The following VPS13B variants were observed in gnomAD, a reference collection of about 807,000 sequenced individuals.
VPS13B encodes vacuolar protein sorting 13 homolog B.
A neutral mutation model predicts 426.4 loss-of-function variants in VPS13B; 285 were observed. The observed-to-expected ratio is 0.67, with a 90% CI of 0.61 to 0.74. VPS13B has a LOEUF of 0.74. VPS13B is among the 30% of genes least tolerant of loss of function. The probability of loss-of-function intolerance (pLI) is 0.00; values close to 1 mark genes in which losing one functional copy is unlikely to be tolerated. For synonymous variants in VPS13B, 1,676 were observed against 1,676.4 expected, an observed-to-expected ratio of 1.00 and a Z score of 0.01; for missense variants, 4,537 against 4,782.6, an observed-to-expected ratio of 0.95 and a Z score of 1.51.
Position 99,776,852 on chromosome 8 carries a change from T to C in VPS13B, c.7325T>C (p.Val2442Ala). ...ACAGCCCTGGCTGCCTGTACCAGAG[T>C]TGACTCCTGCTTTACCCCATGGTTT... is the stretch of plus-strand genomic sequence containing the variant. ...TPTALAACTR[V>A]DSCFTPWFVP... is the part of the protein sequence containing the mutation. The change falls in exon 41 of 62, where the codon GTT (valine) becomes GCT (alanine). Residue 2442 changes from valine to alanine, a missense_variant. By Grantham distance (64) the Val-to-Ala change is moderately conservative. Transcript: ENST00000357162. 1 of 1,614,068 alleles carries C rather than the reference T, an allele frequency of 6.2e-7. No individual in the cohort carries two copies. The highest frequency in any genetic ancestry group is 8.5e-7 in the Non-Finnish European group (1 of 1,179,992).
chr8:99,149,623 G>GT (rs5893484), intron 14 of VPS13B, among the ~76,000 whole-genome samples: 1,691 of 140,806 alleles, frequency 0.012, 25 homozygotes, highest in African/African-American at 0.032. Context: ...TGGCCTATGT[G>GT]TTTTTTTTTT....
chr8:99,501,398 C>G (rs1342210605), intron 25 of VPS13B, among the ~76,000 whole-genome samples: 2 of 152,118 alleles, frequency 1.3e-5, no homozygotes, highest in African/African-American at 2.4e-5. Flanking sequence ...CTTGCAGACT[C>G]TACTCTATAG....
intron 17 of VPS13B, among the ~76,000 whole-genome samples, chr8:99,260,457 G>A (rs1817984545): frequency 6.6e-6 from 1 of 151,976 alleles, no homozygotes; most frequent in Non-Finnish European, 1.5e-5. Flanking sequence ...AGCAACCAGA[G>A]GGAAAATAAA....
chr8:99,823,209 C>G (rs1328842187), intron 50 of VPS13B, among the ~76,000 whole-genome samples: 2 of 152,170 alleles, frequency 1.3e-5, no homozygotes, highest in Non-Finnish European at 2.9e-5. Flanking sequence ...GGGGAAGTTA[C>G]TTCTTTGTGC....
At chr8:99,755,994 G>A (rs1810621914) in intron 39 of VPS13B, among the ~76,000 whole-genome samples, 1 of 151,858 alleles carries the variant, frequency 6.6e-6, no homozygotes, top group African/African-American at 2.4e-5. Flanking sequence ...GCGATCAATA[G>A]AAATTGTCCC....
intron 16 of VPS13B, among the ~76,000 whole-genome samples, chr8:99,173,092 G>A (rs1459823333): frequency 2.0e-5 from 3 of 152,126 alleles, no homozygotes; most frequent in African/African-American, 7.2e-5. Context: ...AAGGTTGAGG[G>A]ACTTCTAAGT....
intron 31 of VPS13B, among the ~76,000 whole-genome samples, chr8:99,557,209 G>T (rs1824631511): frequency 6.6e-6 from 1 of 151,844 alleles, no homozygotes; most frequent in Non-Finnish European, 1.5e-5. Flanking sequence ...TTATTTAGGG[G>T]TGATTTCTGG....
At chr8:99,846,116 A>G (rs1815969125) in intron 54 of VPS13B, among the ~76,000 whole-genome samples, 1 of 152,314 alleles carries the variant, frequency 6.6e-6, no homozygotes. Context: ...CATTGAGAAG[A>G]TGTATGTTCA....
chr8:99,444,138 G>T lies in VPS13B; in HGVS notation c.3445+1503G>T, dbSNP rs144553113. Among the ~76,000 whole-genome samples, 893 of 150,320 alleles carry T rather than the reference G, an allele frequency of 5.9e-3. 12 individuals carry two copies. Among genetic ancestry groups the T allele is most frequent in the African/African-American group, 0.021 (850 of 40,888 alleles). ...TTTTGAGATGGAGTCTTGCTCTGTCGCCTGGGCTGGAGTACAGTGGCACAA... is the reference window on the plus strand; with the variant it reads ...TTTTGAGATGGAGTCTTGCTCTGTCTCCTGGGCTGGAGTACAGTGGCACAA... On this transcript the variant is annotated intron_variant, in intron 23 of 61. Transcript: ENST00000357162.
At chr8:99,685,596 A>G (rs975546522) in intron 35 of VPS13B, among the ~76,000 whole-genome samples, 2 of 152,080 alleles carry the variant, frequency 1.3e-5, no homozygotes, top group African/African-American at 4.8e-5. Context: ...AAACTCACTA[A>G]TTCTTTCTTC....
intron 33 of VPS13B, among the ~76,000 whole-genome samples, chr8:99,624,903 C>T (rs527414243): frequency 5.3e-5 from 8 of 151,782 alleles, no homozygotes; most frequent in South Asian, 2.1e-4. Flanking sequence ...CCACAACGTC[C>T]GCCTCCCAGG....
chr8:99,565,196 G>A (rs1300782564), intron 31 of VPS13B, among the ~76,000 whole-genome samples: 2 of 152,088 alleles, frequency 1.3e-5, no homozygotes, highest in Non-Finnish European at 2.9e-5. Flanking sequence ...ACACTTAAAA[G>A]TAAATAATTT....
chr8:99,365,627 C>T (rs906372209), intron 19 of VPS13B, among the ~76,000 whole-genome samples: 5 of 148,378 alleles, frequency 3.4e-5, no homozygotes, highest in African/African-American at 1.2e-4. Context: ...AGCGATTCTT[C>T]TCCCTCAGCC....
intron 21 of VPS13B, among the ~76,000 whole-genome samples, chr8:99,396,173 A>G (rs764224624): frequency 3.9e-5 from 6 of 152,160 alleles, no homozygotes; most frequent in Admixed American, 1.3e-4. Flanking sequence ...TTGAAGCAGG[A>G]GAGGGAGTGA....
intron 60 of VPS13B, 138 bp downstream of exon 60, chr8:99,871,025 C>G: frequency 1.2e-6 from 1 of 865,314 alleles, no homozygotes; most frequent in Non-Finnish European, 1.9e-6. Flanking sequence ...TCAGGCAGCA[C>G]AAGAGCACTG....
rs1554754985 is a variant in VPS13B at position 99,365,516 on chromosome 8, C to CTT, written c.2825-18675_2825-18674dup. Among the ~76,000 whole-genome samples the CTT allele has an allele frequency of 5.9e-3, 600 of 102,372 alleles. 6 individuals carry two copies. Among genetic ancestry groups the CTT allele is most frequent in the African/African-American group, 0.019 (464 of 24,936 alleles). 67.2% of individuals were successfully genotyped at this position (102,372 alleles called of 152,430 possible). A position where few individuals can be genotyped will look rare whatever the true frequency, so the allele number is the denominator to read the frequency against. On this transcript the variant is annotated intron_variant, in intron 19 of 61. Coordinates refer to ENST00000357162, the MANE Select transcript of VPS13B (RefSeq NM_152564.5). ...TTCCAATTTTCTTCTTCTTCTTCTT[C>CTT]TTTTTTTTTTTTTTTTTTGAGGCGG...
intron 44 of VPS13B, 41 bp downstream of exon 44, chr8:99,809,571 A>G: frequency 6.2e-7 from 1 of 1,611,300 alleles, no homozygotes; most frequent in Non-Finnish European, 8.5e-7. Flanking sequence ...CCTCTTAATT[A>G]TTCAGTGTAA....
At chr8:99,452,340 C>G (rs1352867950) in intron 23 of VPS13B, among the ~76,000 whole-genome samples, 2 of 152,188 alleles carry the variant, frequency 1.3e-5, no homozygotes, top group African/African-American at 4.8e-5. Context: ...TGTCTTTGTA[C>G]TCCAGTCATC....
At chr8:99,072,825 G>T (rs1161183499) in intron 3 of VPS13B, among the ~76,000 whole-genome samples, 1 of 152,130 alleles carries the variant, frequency 6.6e-6, no homozygotes, top group African/African-American at 2.4e-5. Context: ...TGGATATTCA[G>T]TTTCACTGCA....
Sources: allele counts gnomAD v4.1 joint callset (sites outside exome capture counted in the v4.1 genomes callset), GRCh38; gene constraint gnomAD v4.1.1; transcripts MANE v1.5; gene names NCBI Gene and HGNC (gene_info 2026-07-23, HGNC 2026-07-21).